EPB41: variants seen among roughly 807,000 people sequenced by gnomAD.
EPB41 encodes the protein erythrocyte membrane protein band 4.1.
In EPB41, 65 loss-of-function variants were observed where a neutral mutation model predicts 108.0. The ratio of observed to expected loss-of-function variants is 0.60; its 90% CI spans 0.49 to 0.74. The LOEUF (loss-of-function observed/expected upper bound fraction) is 0.74, where lower values mean the gene tolerates loss of function less well. Ranked by LOEUF, EPB41 falls within the 30% of genes least tolerant of loss-of-function variation. The pLI, the probability that EPB41 is intolerant of heterozygous loss-of-function variation, is 0.00. For missense variants in EPB41, 875 were observed against 1,037.0 expected (o/e 0.84, Z 2.15); for synonymous variants, 336 against 358.9 (o/e 0.94, Z 0.72).
At chr1:28,974,416 T>C (rs1213042923) in intron 1 of EPB41, among the ~76,000 whole-genome samples, 2 of 152,150 alleles carry the variant, frequency 1.3e-5, no homozygotes, top group East Asian at 3.9e-4. Flanking sequence ...GTGTGAACTA[T>C]TGTCAAATTG....
chr1:28,988,361 T>G (rs1055324190), intron 2 of EPB41, among the ~76,000 whole-genome samples: 1 of 152,192 alleles, frequency 6.6e-6, no homozygotes, highest in Non-Finnish European at 1.5e-5. Flanking sequence ...TTATAGTTTC[T>G]ACTCTATTTT....
At chr1:28,971,923 CAG>C (rs1303985255) in intron 1 of EPB41, among the ~76,000 whole-genome samples, 1 of 151,880 alleles carries the variant, frequency 6.6e-6, no homozygotes, top group Non-Finnish European at 1.5e-5. Flanking sequence ...TCTTTTGAGA[CAG>C]GGTCTCATTC....
intron 4 of EPB41, among the ~76,000 whole-genome samples, chr1:28,999,119 C>T (rs1032071388): frequency 6.6e-6 from 1 of 152,090 alleles, no homozygotes; most frequent in African/African-American, 2.4e-5. Context: ...GCCTGTAATC[C>T]CAGCACTTTG....
At chr1:29,024,339 TA>T (rs2096688202) in intron 7 of EPB41, among the ~76,000 whole-genome samples, 1 of 126,864 alleles carries the variant, frequency 7.9e-6, no homozygotes, top group African/African-American at 3.1e-5. Context: ...CATCTAAAAA[TA>T]AATAAATTAA....
intron 1 of EPB41, among the ~76,000 whole-genome samples, chr1:28,925,671 C>T (rs1036449976): frequency 7.9e-5 from 12 of 151,982 alleles, no homozygotes; most frequent in African/African-American, 2.7e-4. Context: ...AAAAGTTAAG[C>T]GGGTTTGGTG....
In EPB41 at chr1:28,887,291, C is replaced by A; in HGVS notation, c.-8+81C>A. ...GGACAGAAGAACCTACCCCCAAGGG[C>A]TCGGACCGTCCCGGGAGAGGCGAGA... On this transcript the variant is annotated intron_variant, in intron 1 of 16. Transcript: ENST00000347529. This position sits in a 1 kb window ranked among gnomAD's most constrained non-coding sequence, Gnocchi z 4.9. 1 of 1,236,136 alleles carries A rather than the reference C, an allele frequency of 8.1e-7. No individual in the cohort carries two copies. The highest frequency in any genetic ancestry group is 1.3e-5 in the South Asian group (1 of 76,002). The allele number at this position is 1,236,136 out of a possible 1,614,324, so 76.6% of individuals were successfully genotyped here. A position where few individuals can be genotyped will look rare whatever the true frequency, so the allele number is the denominator to read the frequency against.
At chr1:29,012,083 A>G (rs1434336009) in intron 5 of EPB41, among the ~76,000 whole-genome samples, 176 bp downstream of exon 5, 1 of 151,434 alleles carries the variant, frequency 6.6e-6, no homozygotes, top group African/African-American at 2.4e-5. Flanking sequence ...AAAATATAGC[A>G]GAGGTGGATA....
At chr1:29,009,438 C>T (rs1213955944) in intron 4 of EPB41, among the ~76,000 whole-genome samples, 6 of 152,118 alleles carry the variant, frequency 3.9e-5, no homozygotes, top group South Asian at 4.1e-4. Context: ...TAGAAATTCT[C>T]GCACAGACTC....
rs2095785050 is a variant in EPB41 at position 28,982,634 on chromosome 1, AC to A, written c.-7-4796del. The stretch of plus-strand genomic sequence containing the variant: ...ATTTCGGCAGCAACCACTCGGGCCT[AC>A]AGCAAAAAGCCCATCATGGTTTTTG... On this transcript the variant is annotated intron_variant, in intron 1 of 20. Transcript: ENST00000343067. 7.9e-6 allele frequency: 8 copies of A among 1,016,964 alleles called. No homozygotes were observed. In the South Asian group the frequency reaches 1.0e-4, roughly 13 times the overall value. 63.0% of individuals were successfully genotyped at this position (1,016,964 alleles called of 1,614,324 possible). A position where few individuals can be genotyped will look rare whatever the true frequency, so the allele number is the denominator to read the frequency against.
At chr1:29,069,261 G>T in intron 16 of EPB41, 2 of 1,231,674 alleles carry the variant, frequency 1.6e-6, no homozygotes, top group Non-Finnish European at 2.0e-6. Context: ...TAGCTCAACT[G>T]AGAGAACTTA....
intron 15 of EPB41, among the ~76,000 whole-genome samples, chr1:29,060,942 C>T (rs74858734): frequency 2.0e-5 from 3 of 151,832 alleles, no homozygotes; most frequent in South Asian, 2.1e-4. Flanking sequence ...GAAGAACTGT[C>T]GGGGAGGGGC....
intron 18 of EPB41, among the ~76,000 whole-genome samples, chr1:29,110,870 T>C (rs923530375): frequency 6.6e-6 from 1 of 152,198 alleles, no homozygotes; most frequent in African/African-American, 2.4e-5. Flanking sequence ...AGCCTTCAGA[T>C]TTTTTTCCTC....
chr1:28,906,233 TGGA>T (rs995637545), intron 1 of EPB41, among the ~76,000 whole-genome samples: 5 of 152,208 alleles, frequency 3.3e-5, no homozygotes, highest in African/African-American at 1.2e-4. Flanking sequence ...GTAGCAGCTT[TGGA>T]GGGTCTTGGA....
intron 16 of EPB41, 189 bp downstream of exon 16, chr1:29,065,347 G>A: frequency 9.5e-7 from 1 of 1,056,712 alleles, no homozygotes; most frequent in South Asian, 2.4e-5. Flanking sequence ...GCTACCCAGT[G>A]CAATTATAGG....
intron 11 of EPB41, among the ~76,000 whole-genome samples, chr1:29,041,657 AAAG>A (rs1387521532): frequency 3.3e-5 from 5 of 152,148 alleles, no homozygotes; most frequent in Admixed American, 1.3e-4. Flanking sequence ...CAAAAAAAAA[AAAG>A]AAGCTCAGTG....
chr1:28,943,307 A>G (rs2094369056), intron 1 of EPB41, among the ~76,000 whole-genome samples: 1 of 152,232 alleles, frequency 6.6e-6, no homozygotes, highest in South Asian at 2.1e-4. Flanking sequence ...GATGACAAAC[A>G]GGCATATGAA....
chr1:29,030,467 G>A lies in EPB41; in HGVS notation c.1192G>A (p.Val398Ile). 1 of 1,614,020 alleles carries A rather than the reference G, an allele frequency of 6.2e-7. No homozygotes were observed. The highest frequency in any genetic ancestry group is 8.5e-7 in the Non-Finnish European group (1 of 1,179,898). ...TGCCAAAAAGTTGTCTATGTATGGAGTTGATCTTCATAAAGCAAAGGTAAT... is the reference window on the plus strand; with the variant it reads ...TGCCAAAAAGTTGTCTATGTATGGAATTGATCTTCATAAAGCAAAGGTAAT... ...ENAKKLSMYG[V>I]DLHKAKDLEG... Residue 398 changes from valine to isoleucine, a missense_variant, in exon 8 of 21, where the codon GTT becomes ATT. Transcript: ENST00000343067.
chr1:29,099,284 A>AAAG (rs1279955637), intron 17 of EPB41, among the ~76,000 whole-genome samples: 9 of 150,440 alleles, frequency 6.0e-5, no homozygotes, highest in East Asian at 3.9e-4. Context: ...AAAAAAAAAA[A>AAAG]AAGAAGAAGA....
intron 16 of EPB41, 111 bp downstream of exon 16, chr1:29,065,269 C>T: frequency 7.0e-7 from 1 of 1,420,826 alleles, no homozygotes; most frequent in Non-Finnish European, 9.2e-7. Context: ...GGATTTGGTG[C>T]CTCACTATAT....
Sources: allele counts gnomAD v4.1 joint callset (sites outside exome capture counted in the v4.1 genomes callset), GRCh38; gene constraint gnomAD v4.1.1; non-coding constraint Gnocchi (gnomAD v3.1); transcripts MANE v1.5; gene names NCBI Gene and HGNC (gene_info 2026-07-23, HGNC 2026-07-21).